Variants in CSMD1 observed in about 807,000 individuals in gnomAD.
CSMD1 encodes CUB and Sushi multiple domains 1.
In CSMD1, 213 loss-of-function variants were observed where a neutral mutation model predicts 417.5. The observed-to-expected ratio is 0.51, with a 90% CI of 0.46 to 0.57. The LOEUF (loss-of-function observed/expected upper bound fraction) is 0.57. Among genes scored for constraint, CSMD1 ranks in the 20% least tolerant of loss-of-function variants. CSMD1 has a pLI of 0.00. For synonymous variants in CSMD1, 2,862 were observed against 1,736.8 expected (o/e 1.65, Z -16.11); for missense variants, 6,923 against 4,529.7 (o/e 1.53, Z -15.17).
intron 3 of CSMD1, among the ~76,000 whole-genome samples, chr8:4,293,417 C>T (rs111379495): frequency 7.5e-4 from 114 of 152,226 alleles, no homozygotes; most frequent in African/African-American, 1.8e-3. Flanking sequence ...ACCAAAGCTA[C>T]GGCTAAAAAG....
intron 2 of CSMD1, among the ~76,000 whole-genome samples, chr8:4,460,414 C>A (rs1419790026): frequency 6.6e-6 from 1 of 152,084 alleles, no homozygotes; most frequent in East Asian, 1.9e-4. Flanking sequence ...TCACCTTCCA[C>A]CTCACTGTCC....
chr8:3,858,358 C>T (rs1383452186), intron 5 of CSMD1, among the ~76,000 whole-genome samples: 2 of 152,082 alleles, frequency 1.3e-5, no homozygotes, highest in Non-Finnish European at 2.9e-5. Flanking sequence ...ATATTTCATG[C>T]TTGACCTTGG....
intron 5 of CSMD1, among the ~76,000 whole-genome samples, chr8:3,835,467 G>A (rs1359648279): frequency 6.6e-6 from 1 of 151,854 alleles, no homozygotes; most frequent in Non-Finnish European, 1.5e-5. Flanking sequence ...CTACCGCCAG[G>A]ACAAAAAACC....
Position 3,645,598 on chromosome 8 carries a change from C to T in CSMD1, c.1010-28801G>A, listed in dbSNP as rs375996882. ...GCAAGGGATCATGGGAAGAGTCAGC[C>T]TTCTGCAAGGGATCATGGGAAGAGT... On this transcript the variant is annotated intron_variant, in intron 7 of 69. Coordinates refer to ENST00000635120, the MANE Select transcript of CSMD1 (RefSeq NM_033225.6). Among the ~76,000 whole-genome samples the T allele has an allele frequency of 5.9e-5, 9 of 152,246 alleles. No homozygotes were observed. The East Asian group carries it at 1.2e-3, about 20-fold the overall frequency.
chr8:4,146,594 ATTTTTTTTTTTTTTT>A (rs71205423), intron 3 of CSMD1, among the ~76,000 whole-genome samples: 7 of 64,272 alleles, frequency 1.1e-4, no homozygotes, highest in African/African-American at 1.6e-4. Context: ...ATATGGACAC[ATTTTTTTTTTTTTTT>A]TTTTTTTTTT....
intron 3 of CSMD1, among the ~76,000 whole-genome samples, chr8:4,389,653 C>G (rs946950138): frequency 6.6e-6 from 1 of 152,122 alleles, no homozygotes; most frequent in Non-Finnish European, 1.5e-5. Flanking sequence ...CACTTCCCTC[C>G]CTAAACTCCA....
chr8:3,479,212 A>C (rs1378024635), intron 11 of CSMD1, among the ~76,000 whole-genome samples: 4 of 152,214 alleles, frequency 2.6e-5, no homozygotes, highest in Non-Finnish European at 5.9e-5. Context: ...GCCAAGCCTA[A>C]ACAAGGTACT....
intron 12 of CSMD1, among the ~76,000 whole-genome samples, chr8:3,439,493 C>CTG (rs34772541): frequency 0.36 from 52,640 of 145,056 alleles, 10,279 homozygotes; most frequent in Middle Eastern, 0.48. Context: ...GTGTGTGTAT[C>CTG]TGTGTGTGTG....
At chr8:4,723,770 C>A (rs1585000796) in intron 1 of CSMD1, among the ~76,000 whole-genome samples, 4 of 113,522 alleles carry the variant, frequency 3.5e-5, no homozygotes, top group Admixed American at 9.9e-5. Flanking sequence ...AATGTAAATG[C>A]AATATGCTTT....
chr8:3,653,697 A>C (rs1250249265), intron 7 of CSMD1, among the ~76,000 whole-genome samples: 1 of 152,154 alleles, frequency 6.6e-6, no homozygotes, highest in Non-Finnish European at 1.5e-5. Flanking sequence ...GCACTTGTGG[A>C]AGCCTCCTTT....
chr8:3,980,292 C>T (rs768227079), intron 5 of CSMD1, among the ~76,000 whole-genome samples: 9 of 152,132 alleles, frequency 5.9e-5, no homozygotes, highest in Non-Finnish European at 1.3e-4. Context: ...GACCACAGCC[C>T]AATGCTATTC....
At chr8:4,506,954 G>T (rs921202984) in intron 2 of CSMD1, among the ~76,000 whole-genome samples, 2 of 152,130 alleles carry the variant, frequency 1.3e-5, no homozygotes, top group African/African-American at 4.8e-5. Flanking sequence ...AAAGGTGATC[G>T]AATACATTTT....
At chr8:4,232,802 G>A (rs1209583927) in intron 3 of CSMD1, among the ~76,000 whole-genome samples, 3 of 152,134 alleles carry the variant, frequency 2.0e-5, no homozygotes, top group African/African-American at 7.2e-5. Flanking sequence ...TGAATGTCAG[G>A]TGCCTCGAAA....
At chr8:4,848,455 G>T (rs939314321) in intron 1 of CSMD1, among the ~76,000 whole-genome samples, 1 of 152,088 alleles carries the variant, frequency 6.6e-6, no homozygotes, top group Admixed American at 6.5e-5. Context: ...ATTACTCATG[G>T]GTTTGTTGTG....
At chr8:4,107,347 C>T (rs932513870) in intron 3 of CSMD1, among the ~76,000 whole-genome samples, 2 of 152,132 alleles carry the variant, frequency 1.3e-5, no homozygotes, top group Admixed American at 1.3e-4. Context: ...AATAAAGCTC[C>T]TTACAAAGCC....
At chr8:4,130,373 A>C (rs780658937) in intron 3 of CSMD1, among the ~76,000 whole-genome samples, 4 of 152,086 alleles carry the variant, frequency 2.6e-5, no homozygotes, top group African/African-American at 9.7e-5. Flanking sequence ...TTTGATCCTA[A>C]TTCCTTGTAA....
intron 10 of CSMD1, among the ~76,000 whole-genome samples, chr8:3,544,528 G>A (rs774522250): frequency 6.6e-6 from 1 of 152,040 alleles, no homozygotes; most frequent in Admixed American, 6.5e-5. Flanking sequence ...CTTTTGCACT[G>A]TGGACTCGCC....
intron 3 of CSMD1, among the ~76,000 whole-genome samples, chr8:4,271,429 G>C (rs1441707598): frequency 2.0e-5 from 3 of 152,032 alleles, no homozygotes; most frequent in Non-Finnish European, 4.4e-5. Context: ...AAATGTTGTA[G>C]GAGACTCTCC....
chr8:4,095,184 C>A (rs980775582), intron 3 of CSMD1, among the ~76,000 whole-genome samples: 3 of 152,130 alleles, frequency 2.0e-5, no homozygotes, highest in African/African-American at 7.2e-5. Context: ...ATAGCCACAG[C>A]GAACACAAAC....
Sources: allele counts gnomAD v4.1 joint callset (sites outside exome capture counted in the v4.1 genomes callset), GRCh38; gene constraint gnomAD v4.1.1; transcripts MANE v1.5; gene names NCBI Gene and HGNC (gene_info 2026-07-23, HGNC 2026-07-21).